Variants in PPIL3 observed in about 807,000 individuals in gnomAD.
The protein encoded by PPIL3 is peptidyl-prolyl cis-trans isomerase-like 3.
In PPIL3, 13 loss-of-function variants were observed where a neutral mutation model predicts 20.9. The observed-to-expected ratio is 0.62, with a 90% CI of 0.40 to 0.99. The LOEUF (loss-of-function observed/expected upper bound fraction) is 0.99, where lower values mean the gene tolerates loss of function less well. PPIL3 is among the 50% of genes least tolerant of loss of function. The probability of loss-of-function intolerance (pLI) is 0.00; values close to 1 mark genes in which losing one functional copy is unlikely to be tolerated. For missense variants in PPIL3, 170 were observed against 195.2 expected (o/e 0.87, Z 0.77); for synonymous variants, 71 against 64.4 (o/e 1.10, Z -0.49).
intron 6 of PPIL3, among the ~76,000 whole-genome samples, chr2:200,872,207 G>A (rs544008763): frequency 6.6e-6 from 1 of 152,132 alleles, no homozygotes; most frequent in African/African-American, 2.4e-5. Flanking sequence ...ATAGAACTTA[G>A]GAAAGCACTT....
chr2:200,874,294 C>A (rs966530980), intron 6 of PPIL3, among the ~76,000 whole-genome samples: 1 of 151,682 alleles, frequency 6.6e-6, no homozygotes, highest in African/African-American at 2.4e-5. Context: ...TTTGATTTTA[C>A]CCCTAAATAT....
At chr2:200,871,616 A>G in intron 6 of PPIL3, 95 bp from the exon 7 acceptor site, 1 of 1,085,628 alleles carries the variant, frequency 9.2e-7, no homozygotes, top group Middle Eastern at 2.9e-4. Context: ...AAAATAATCA[A>G]GTCTTACAGA....
upstream of PPIL3, chr2:200,889,163 T>A (rs2040101180): frequency 4.9e-6 from 2 of 405,000 alleles, no homozygotes; most frequent in Admixed American, 6.0e-5. Context: ...ACAATGCAAT[T>A]TATCCCCAAC....
intron 6 of PPIL3, among the ~76,000 whole-genome samples, chr2:200,872,946 CA>C (rs1053004321): frequency 4.6e-4 from 69 of 149,094 alleles, no homozygotes; most frequent in African/African-American, 1.6e-3. Flanking sequence ...GATCTCGGCT[CA>C]CTGCAACCTC....
rs2039531512 is a variant in PPIL3, at chr2:200,876,729, G to T, written c.359+190C>A. On this transcript the variant is annotated intron_variant, in intron 6 of 6. Transcript: ENST00000392283. ...TAGAGACAGGGGTTCTGCCACATTGGCCAGGCTGGTCTCGAACTCCTGACC... is the reference window on the plus strand; with the variant it reads ...TAGAGACAGGGGTTCTGCCACATTGTCCAGGCTGGTCTCGAACTCCTGACC... Among the ~76,000 whole-genome samples, 2 of 151,978 alleles carry T rather than the reference G, an allele frequency of 1.3e-5. 1 individual carries two copies. The highest frequency in any genetic ancestry group is 4.2e-4 in the South Asian group (2 of 4,806).
intron 3 of PPIL3, among the ~76,000 whole-genome samples, chr2:200,882,648 G>A (rs981908841): frequency 6.6e-6 from 1 of 152,076 alleles, no homozygotes; most frequent in Non-Finnish European, 1.5e-5. Context: ...GGTGGCTAAC[G>A]CCGGTAATCC....
chr2:200,885,228 A>C (rs1271885012), intron 3 of PPIL3: 2 of 250,858 alleles, frequency 8.0e-6, no homozygotes, highest in Non-Finnish European at 1.5e-5. Context: ...AAAATTAGCC[A>C]GGCATGGTGG....
At chr2:200,888,900 G>A (rs2040087294) in intron 1 of PPIL3, 56 bp downstream of exon 1, 6 of 471,116 alleles carry the variant, frequency 1.3e-5, no homozygotes, top group South Asian at 9.3e-5. Context: ...TAGCAACACA[G>A]AACTCAGCAA....
At position 200,871,234 on chromosome 2, in the gene PPIL3, G is replaced by T; in HGVS notation, c.*161C>A. On this transcript the variant is annotated 3_prime_UTR_variant, in exon 7 of 7. Coordinates refer to ENST00000392283, the MANE Select transcript of PPIL3 (RefSeq NM_130906.3). ...ATAAAGAATATGCTCTAAGAATGGG[G>T]ATAAAAGCTGTTGGGCGCCCCTTGG... The T allele has an allele frequency of 1.8e-6, 1 of 555,694 alleles. No individual in the cohort carries two copies. The highest frequency in any genetic ancestry group is 3.1e-6 in the Non-Finnish European group (1 of 326,564). The allele number at this position is 555,694 out of a possible 1,614,324, so 34.4% of individuals were successfully genotyped here.
At chr2:200,874,348 C>A (rs1032586382) in intron 6 of PPIL3, among the ~76,000 whole-genome samples, 4 of 152,006 alleles carry the variant, frequency 2.6e-5, no homozygotes, top group Non-Finnish European at 5.9e-5. Flanking sequence ...GGCTATCCCA[C>A]CTTCTAGGTC....
chr2:200,878,259 G>A (rs1221984351), intron 5 of PPIL3, among the ~76,000 whole-genome samples: 1 of 151,886 alleles, frequency 6.6e-6, no homozygotes, highest in Non-Finnish European at 1.5e-5. Flanking sequence ...CCAATTCATT[G>A]AATAATGGGA....
At position 200,877,017 on chromosome 2, in the gene PPIL3, T is replaced by C. The variant is rs1391783828; in HGVS notation, c.261A>G (p.Val87=). ...EYLKHNVRGV[V]SMANNGPNTN... is the part of the protein sequence containing the mutation. ...TGTTCGGGCCATTATTAGCCATAGA[T>C]ACAACACCTCTAACATTGTGCTGAA... Residue 87 remains valine (V), a synonymous_variant, in exon 6 of 7, where the codon GTA becomes GTG. Coordinates refer to ENST00000392283, the MANE Select transcript of PPIL3 (RefSeq NM_130906.3). The C allele has an allele frequency of 1.9e-6, 3 of 1,610,788 alleles. No homozygotes were observed. Among genetic ancestry groups the C allele is most frequent in the Non-Finnish European group, 2.5e-6 (3 of 1,176,962 alleles).
At chr2:200,889,274 G>C, upstream of PPIL3, 1 of 315,146 alleles carries the variant, frequency 3.2e-6, no homozygotes, top group South Asian at 2.5e-5. Flanking sequence ...CTTTACACTC[G>C]GCTGCCAAAC....
intron 4 of PPIL3, 95 bp from the exon 5 acceptor site, chr2:200,881,583 G>A: frequency 1.0e-6 from 1 of 976,772 alleles, no homozygotes; most frequent in Non-Finnish European, 1.5e-6. Flanking sequence ...TAGTTTGACT[G>A]CTTAAATATA....
rs374861172 is a variant in PPIL3 at position 200,873,456 on chromosome 2, C to T, written c.360-1935G>A. ...CTGCCCACGTCAGCCTCCCAAAGTG[C>T]TGGGGTTATAGGCATGAGCCACCAC... On this transcript the variant is annotated intron_variant, in intron 6 of 6. Coordinates refer to ENST00000392283, the MANE Select transcript of PPIL3 (RefSeq NM_130906.3). Among the ~76,000 whole-genome samples, 4 of 152,102 alleles carry T rather than the reference C, an allele frequency of 2.6e-5. No homozygotes were observed. In the East Asian group the frequency reaches 7.7e-4, roughly 29 times the overall value.
intron 5 of PPIL3, among the ~76,000 whole-genome samples, chr2:200,880,021 T>C (rs1487765528): frequency 2.0e-5 from 3 of 152,192 alleles, no homozygotes; most frequent in Non-Finnish European, 4.4e-5. Context: ...AACTAATACA[T>C]TTCCTTACAA....
At chr2:200,884,623 C>G (rs1246807982) in intron 3 of PPIL3, among the ~76,000 whole-genome samples, 1 of 151,894 alleles carries the variant, frequency 6.6e-6, no homozygotes, top group Non-Finnish European at 1.5e-5. Flanking sequence ...GCCTGTAGTC[C>G]TATCTACTTG....
At chr2:200,887,471 A>T (rs1332756872) in intron 2 of PPIL3, 142 bp downstream of exon 2, 4 of 448,572 alleles carry the variant, frequency 8.9e-6, no homozygotes, top group African/African-American at 8.1e-5. Flanking sequence ...TTTTAAAAGA[A>T]TTATTCCATA....
chr2:200,889,137 A>C, upstream of PPIL3: 1 of 436,296 alleles, frequency 2.3e-6, no homozygotes, highest in Non-Finnish European at 4.7e-6. Flanking sequence ...TCATCTTCCT[A>C]TCTCAAACCA....
Sources: allele counts gnomAD v4.1 joint callset (sites outside exome capture counted in the v4.1 genomes callset), GRCh38; gene constraint gnomAD v4.1.1; transcripts MANE v1.5; gene names NCBI Gene and HGNC (gene_info 2026-07-23, HGNC 2026-07-21).